The following HDAC9 variants were observed in gnomAD, a reference collection of about 807,000 sequenced individuals.
The protein encoded by HDAC9 is MEF-2 interacting transcription repressor (MITR) protein.
A neutral mutation model predicts 139.4 loss-of-function variants in HDAC9; 41 were observed. The observed-to-expected ratio is 0.29, with a 90% CI of 0.23 to 0.38. The LOEUF (loss-of-function observed/expected upper bound fraction) is 0.38. Ranked by LOEUF, HDAC9 falls within the 10% of genes least tolerant of loss-of-function variation. HDAC9 has a pLI of 1.00. For synonymous variants in HDAC9, 517 were observed against 476.2 expected (o/e 1.09, Z -1.12); for missense variants, 1,147 against 1,297.0 (o/e 0.88, Z 1.78).
chr7:18,378,731 C>T (rs544903337), intron 1 of HDAC9, among the ~76,000 whole-genome samples: 168 of 152,090 alleles, frequency 1.1e-3, no homozygotes, highest in South Asian at 6.2e-3. Flanking sequence ...AGTAAACATA[C>T]GCATTTTATA....
Position 18,561,409 on chromosome 7 carries a change from A to G in HDAC9, c.23-23872A>G, listed in dbSNP as rs377059583. Among the ~76,000 whole-genome samples the G allele has an allele frequency of 1.9e-4, 29 of 152,318 alleles. No homozygotes were observed. The East Asian group carries it at 2.7e-3, about 14-fold the overall frequency. On this transcript the variant is annotated intron_variant, in intron 2 of 25. Coordinates refer to ENST00000686413, the MANE Select transcript of HDAC9 (RefSeq NM_178425.4). ...TTTTGTTATGCCTAGAGCTCAGTAT[A>G]TCTAAACAATTTAATTAGATTATTT...
chr7:18,528,271 T>G (rs1807605414), intron 2 of HDAC9, among the ~76,000 whole-genome samples: 1 of 151,450 alleles, frequency 6.6e-6, no homozygotes, highest in African/African-American at 2.4e-5. Flanking sequence ...TTTTTTAAAT[T>G]AGGTCGAATT....
At chr7:18,971,317 C>T (rs1196912060) in intron 24 of HDAC9, among the ~76,000 whole-genome samples, 1 of 152,136 alleles carries the variant, frequency 6.6e-6, no homozygotes, top group African/African-American at 2.4e-5. Flanking sequence ...TGTGCATGTC[C>T]AATTTTAATG....
intron 1 of HDAC9, among the ~76,000 whole-genome samples, chr7:18,369,990 T>C (rs1304502795): frequency 6.6e-6 from 1 of 152,048 alleles, no homozygotes; most frequent in Non-Finnish European, 1.5e-5. Flanking sequence ...TCAAGAAGAG[T>C]TTTTTTAAAA....
chr7:18,208,743 T>A (rs1009667387), intron 2 of HDAC9, among the ~76,000 whole-genome samples: 4 of 151,998 alleles, frequency 2.6e-5, no homozygotes, highest in Admixed American at 1.3e-4. Context: ...TAAAAAAAAA[T>A]TTTATCTAGC....
chr7:18,285,424 G>T (rs1797371821), upstream of HDAC9, among the ~76,000 whole-genome samples: 1 of 151,918 alleles, frequency 6.6e-6, no homozygotes, highest in African/African-American at 2.4e-5. Flanking sequence ...GCAGTGTGAT[G>T]GACATTCATT....
chr7:18,563,903 T>C (rs955762456), intron 2 of HDAC9, among the ~76,000 whole-genome samples: 2 of 150,600 alleles, frequency 1.3e-5, no homozygotes, highest in African/African-American at 4.9e-5. Flanking sequence ...TGCCACAATC[T>C]TGGCTGACTG....
chr7:18,346,066 AAAC>A (rs1368106347), intron 1 of HDAC9, among the ~76,000 whole-genome samples: 3 of 152,242 alleles, frequency 2.0e-5, no homozygotes, highest in Non-Finnish European at 4.4e-5. Flanking sequence ...GAAAATATAG[AAAC>A]AACATTCTGA....
At position 18,137,873 on chromosome 7, in the gene HDAC9, A is replaced by G. The variant is rs1785551086; in HGVS notation, c.-96-24356A>G. Among the ~76,000 whole-genome samples the G allele has an allele frequency of 2.0e-5, 3 of 152,222 alleles. No individual in the cohort carries two copies. In the South Asian group the frequency reaches 6.2e-4, roughly 32 times the overall value. ...TTCTATTGATCGGAATAGTTTCAGA[A>G]GGAATGGTACCAGTTCCTCCTTGTA... On this transcript the variant is annotated intron_variant, in intron 1 of 12. Coordinates refer to the HDAC9 transcript ENST00000417496.
At chr7:18,376,874 TTTATTATAGCAGC>T (rs1312103556) in intron 1 of HDAC9, among the ~76,000 whole-genome samples, 1 of 152,182 alleles carries the variant, frequency 6.6e-6, no homozygotes, top group Non-Finnish European at 1.5e-5. Context: ...TTTATGGTAT[TTTATTATAGCAGC>T]GTAACTTAGG....
At chr7:18,664,530 T>G (rs1323531578) in intron 11 of HDAC9, among the ~76,000 whole-genome samples, 1 of 152,154 alleles carries the variant, frequency 6.6e-6, no homozygotes, top group Non-Finnish European at 1.5e-5. Flanking sequence ...CAAACTCCAC[T>G]AGCCTTTTGG....
At chr7:18,642,598 C>T (rs1786032199) in intron 8 of HDAC9, among the ~76,000 whole-genome samples, 1 of 151,932 alleles carries the variant, frequency 6.6e-6, no homozygotes, top group African/African-American at 2.4e-5. Context: ...CCCAGGACAC[C>T]ATGGTAGGTG....
At chr7:18,114,067 C>T (rs1783807660) in intron 1 of HDAC9, among the ~76,000 whole-genome samples, 1 of 152,166 alleles carries the variant, frequency 6.6e-6, no homozygotes, top group Non-Finnish European at 1.5e-5. Flanking sequence ...GGAAAAATAA[C>T]TCTGCATGTA....
chr7:18,576,632 A>G (rs1826025184), intron 2 of HDAC9, among the ~76,000 whole-genome samples: 1 of 149,170 alleles, frequency 6.7e-6, no homozygotes, highest in African/African-American at 2.5e-5. Context: ...ACTGCACTCC[A>G]GCTGTCAGAG....
intron 21 of HDAC9, among the ~76,000 whole-genome samples, chr7:18,856,115 A>C (rs190835360): frequency 1.3e-5 from 2 of 152,190 alleles, no homozygotes; most frequent in Non-Finnish European, 2.9e-5. Flanking sequence ...TGTTCTCTTA[A>C]AATGCATGCT....
intron 1 of HDAC9, among the ~76,000 whole-genome samples, chr7:18,489,925 A>T (rs902691842): frequency 6.6e-6 from 1 of 152,010 alleles, no homozygotes; most frequent in African/African-American, 2.4e-5. Flanking sequence ...AGCTGTGCAC[A>T]CATGCCCATC....
chr7:18,835,696 G>A (rs1008163009), intron 20 of HDAC9, 110 bp downstream of exon 20: 3 of 1,426,518 alleles, frequency 2.1e-6, no homozygotes, highest in African/African-American at 2.8e-5. Flanking sequence ...AATTACACGA[G>A]ATTACTGAAT....
chr7:18,778,025 G>A (rs1176325488), intron 16 of HDAC9, among the ~76,000 whole-genome samples: 1 of 151,914 alleles, frequency 6.6e-6, no homozygotes, highest in East Asian at 1.9e-4. Flanking sequence ...AAGGCTCAGA[G>A]AGGTGAGTAT....
intron 1 of HDAC9, among the ~76,000 whole-genome samples, chr7:18,348,592 A>C (rs996227940): frequency 2.0e-5 from 3 of 152,170 alleles, no homozygotes; most frequent in African/African-American, 7.2e-5. Context: ...TTCATTATGC[A>C]ATCACACATC....
Sources: gnomAD v4.1 joint callset for allele counts (sites outside exome capture counted in the v4.1 genomes callset) on GRCh38, gnomAD v4.1.1 for gene constraint, MANE v1.5 for transcripts, NCBI Gene and HGNC (gene_info 2026-07-23, HGNC 2026-07-21) for gene names.